Variants in PLXNA4 observed in about 807,000 individuals in gnomAD.
The protein encoded by PLXNA4 is plexin-A4.
Under a neutral mutation model 191.8 loss-of-function variants are expected in PLXNA4, and 44 were observed. The observed-to-expected ratio is 0.23, with a 90% CI of 0.18 to 0.29. The LOEUF (loss-of-function observed/expected upper bound fraction) is 0.29. Among genes scored for constraint, PLXNA4 ranks in the 10% least tolerant of loss-of-function variants. The pLI is 1.00. For missense variants in PLXNA4, 1,800 were observed against 2,488.8 expected, an observed-to-expected ratio of 0.72 and a Z score of 5.89; for synonymous variants, 1,082 against 1,009.5, an observed-to-expected ratio of 1.07 and a Z score of -1.36.
chr7:132,165,099 G>T, intron 23 of PLXNA4, 35 bp downstream of exon 23: 1 of 1,605,900 alleles, frequency 6.2e-7, no homozygotes, highest in Non-Finnish European at 8.5e-7. Context: ...GAATGAACGA[G>T]GCAAGGCCAG....
chr7:132,396,170 TG>T (rs1487991886), intron 3 of PLXNA4, among the ~76,000 whole-genome samples: 2 of 152,092 alleles, frequency 1.3e-5, no homozygotes, highest in African/African-American at 4.8e-5. Context: ...CCACAATGGA[TG>T]GGCAGAAAGG....
chr7:132,136,176 C>G (rs779743820), intron 30 of PLXNA4, among the ~76,000 whole-genome samples: 1 of 152,204 alleles, frequency 6.6e-6, no homozygotes, highest in Admixed American at 6.5e-5. Context: ...CTACCTCTGC[C>G]GGGTGAACCT....
At position 132,287,569 on chromosome 7, in the gene PLXNA4, C is replaced by T. The variant is rs184426395; in HGVS notation, c.1503+10522G>A. Among the ~76,000 whole-genome samples, 165 of 152,280 alleles carry T rather than the reference C, an allele frequency of 1.1e-3. 1 individual carries two copies. The highest frequency in any genetic ancestry group is 3.8e-3 in the African/African-American group (157 of 41,566). On this transcript the variant is annotated intron_variant, in intron 4 of 31. Transcript: ENST00000321063. ...AAGTCCGTGATCTGTTCATGACCCC[C>T]CCCGGAGCCTCCATCCTGCACATGC...
intron 3 of PLXNA4, chr7:132,484,877 G>A: frequency 1.2e-6 from 2 of 1,614,172 alleles, no homozygotes; most frequent in Non-Finnish European, 1.7e-6. Flanking sequence ...TCTCTGATCT[G>A]ATATTGCTTT....
At chr7:132,575,565 T>A (rs1276422041) in intron 1 of PLXNA4, among the ~76,000 whole-genome samples, 1 of 152,220 alleles carries the variant, frequency 6.6e-6, no homozygotes, top group Non-Finnish European at 1.5e-5. Flanking sequence ...CAGCCCCATG[T>A]GCCCAGGGAG....
intron 4 of PLXNA4, among the ~76,000 whole-genome samples, chr7:132,241,830 C>T (rs946909712): frequency 3.9e-5 from 6 of 152,200 alleles, no homozygotes; most frequent in Admixed American, 2.6e-4. Flanking sequence ...CTCCTACCCA[C>T]ACTCTTTTCA....
intron 14 of PLXNA4, among the ~76,000 whole-genome samples, chr7:132,188,988 GGAAAGGAGAGAGA>G (rs1796978729): frequency 1.9e-5 from 1 of 51,958 alleles, no homozygotes; most frequent in Admixed American, 2.6e-4. Flanking sequence ...GGAAAGGAAA[GGAAAGGAGAGAGA>G]GAGAGAGAGA....
At position 132,181,567 on chromosome 7, in the gene PLXNA4, A is replaced by G; in HGVS notation, c.3306T>C (p.Ala1102=). The change falls in exon 18 of 32, where the codon GCT becomes GCC. Residue 1102 remains alanine, a synonymous_variant. Coordinates refer to ENST00000321063, the MANE Select transcript of PLXNA4 (RefSeq NM_020911.2). ...GGTCTGACTGGTGGTCAGGACCCAG[A>G]GCGAGGGCGGGCGCCTGACAGGTCA... ...TEMTCQAPAL[A]LGPDHQSDLT... 1.9e-6 allele frequency: 3 copies of G among 1,614,156 alleles called. No homozygotes were observed. Among genetic ancestry groups the G allele is most frequent in the Non-Finnish European group, 2.5e-6 (3 of 1,180,030 alleles).
intron 3 of PLXNA4, among the ~76,000 whole-genome samples, chr7:132,457,577 C>A (rs886213368): frequency 6.6e-6 from 1 of 152,190 alleles, no homozygotes; most frequent in Admixed American, 6.5e-5. Context: ...TAATAGTCCT[C>A]AAAGACACCC....
intron 3 of PLXNA4, among the ~76,000 whole-genome samples, chr7:132,340,933 C>T (rs1803004691): frequency 6.6e-6 from 1 of 152,186 alleles, no homozygotes; most frequent in Non-Finnish European, 1.5e-5. Context: ...CCTGCCTCAG[C>T]CTCCCAAAGT....
At chr7:132,249,057 C>T (rs1262565032) in intron 4 of PLXNA4, among the ~76,000 whole-genome samples, 1 of 152,186 alleles carries the variant, frequency 6.6e-6, no homozygotes, top group Non-Finnish European at 1.5e-5. Flanking sequence ...CCTCTGGGGT[C>T]AAGGTTGATG....
At chr7:132,608,688 C>T (rs1319310183) in intron 2 of PLXNA4, among the ~76,000 whole-genome samples, 2 of 152,114 alleles carry the variant, frequency 1.3e-5, no homozygotes, top group Non-Finnish European at 1.5e-5. Flanking sequence ...CCAGCATCCC[C>T]CACCCCCGCA....
At chr7:132,132,492 A>T (rs1169710515) in intron 31 of PLXNA4, among the ~76,000 whole-genome samples, 12 of 85,538 alleles carry the variant, frequency 1.4e-4, no homozygotes, top group African/African-American at 5.1e-4. Context: ...GCTCTGCTCT[A>T]TTCTTTTCTA....
chr7:132,561,279 T>TTCC lies in PLXNA4; in HGVS notation c.-87+15140_-87+15142dup, dbSNP rs774126529. On this transcript the variant is annotated intron_variant, in intron 1 of 31. Coordinates refer to ENST00000321063, the MANE Select transcript of PLXNA4 (RefSeq NM_020911.2). ...TCTAAAACTCAACTGGATGCCCCTCTTCCTCCTCCTCCTCCTTCTCCTCCT... is the reference window on the plus strand; with the variant it reads ...TCTAAAACTCAACTGGATGCCCCTCTTCCTCCTCCTCCTCCTCCTTCTCCTCCT... Among the ~76,000 whole-genome samples the TTCC allele has an allele frequency of 4.1e-4, 62 of 150,986 alleles. No homozygotes were observed. The East Asian group carries it at 0.012, about 29-fold the overall frequency.
chr7:132,351,976 G>C (rs1803507162), intron 3 of PLXNA4, among the ~76,000 whole-genome samples: 1 of 152,140 alleles, frequency 6.6e-6, no homozygotes, highest in Non-Finnish European at 1.5e-5. Flanking sequence ...TTAAACCACA[G>C]GGCTTTCCAC....
intron 3 of PLXNA4, among the ~76,000 whole-genome samples, chr7:132,387,911 T>C (rs1805225252): frequency 1.3e-5 from 2 of 152,144 alleles, no homozygotes; most frequent in Non-Finnish European, 2.9e-5. Flanking sequence ...AACCCTGCTC[T>C]GTCTCCAGCA....
intron 1 of PLXNA4, among the ~76,000 whole-genome samples, chr7:132,648,085 A>T (rs1803917874): frequency 6.6e-6 from 1 of 151,754 alleles, no homozygotes; most frequent in Non-Finnish European, 1.5e-5. Flanking sequence ...AAACTCACAA[A>T]CTCAGTGTCA....
intron 3 of PLXNA4, among the ~76,000 whole-genome samples, chr7:132,335,438 C>T (rs1374095575): frequency 1.3e-5 from 2 of 152,222 alleles, no homozygotes; most frequent in Non-Finnish European, 2.9e-5. Flanking sequence ...CCTCTTCCCA[C>T]TGCCCCAAAT....
chr7:132,435,138 T>G (rs1795421104), intron 3 of PLXNA4, among the ~76,000 whole-genome samples: 2 of 152,126 alleles, frequency 1.3e-5, no homozygotes, highest in Non-Finnish European at 2.9e-5. Flanking sequence ...CGCCTCGGGC[T>G]TCCTGGCCAC....
Sources: gnomAD v4.1 joint callset for allele counts (sites outside exome capture counted in the v4.1 genomes callset) on GRCh38, gnomAD v4.1.1 for gene constraint, MANE v1.5 for transcripts, NCBI Gene and HGNC (gene_info 2026-07-23, HGNC 2026-07-21) for gene names.